EDIL3: variants seen among roughly 807,000 people sequenced by gnomAD.
EDIL3 encodes EGF like and discoidin domains 3, also known as EGF-like repeat and discoidin I-like domain-containing protein 3.
Under a neutral mutation model 67.4 loss-of-function variants are expected in EDIL3, and 37 were observed. That is an observed-to-expected ratio of 0.55 (90% CI 0.42 to 0.72). EDIL3 has a LOEUF of 0.72. Among genes scored for constraint, EDIL3 ranks in the 30% least tolerant of loss-of-function variants. EDIL3 has a pLI of 0.00. For synonymous variants in EDIL3, 195 were observed against 196.3 expected (o/e 0.99, Z 0.05); for missense variants, 527 against 586.3 (o/e 0.90, Z 1.04).
At chr5:83,996,969 A>G (rs1481794117) in intron 9 of EDIL3, among the ~76,000 whole-genome samples, 1 of 152,196 alleles carries the variant, frequency 6.6e-6, no homozygotes, top group Non-Finnish European at 1.5e-5. Context: ...TAACTGGTAC[A>G]TAGCCAAGTG....
intron 2 of EDIL3, among the ~76,000 whole-genome samples, chr5:84,249,887 A>C (rs1228836475): frequency 1.3e-5 from 2 of 152,138 alleles, no homozygotes; most frequent in Non-Finnish European, 2.9e-5. Context: ...TGAGGTCAGG[A>C]GTTGGAGACC....
chr5:84,020,549 T>C (rs1164579846), intron 9 of EDIL3, among the ~76,000 whole-genome samples: 3 of 151,956 alleles, frequency 2.0e-5, no homozygotes, highest in Non-Finnish European at 4.4e-5. Context: ...AGGGGAATAA[T>C]TTTTACTAGA....
intron 7 of EDIL3, 72 bp from the exon 8 acceptor site, chr5:84,064,916 A>ATATATT: frequency 1.4e-6 from 2 of 1,452,612 alleles, no homozygotes; most frequent in Non-Finnish European, 9.1e-7. Context: ...TACCCTATCT[A>ATATATT]TACCTTATCG....
At chr5:84,081,607 G>A (rs1162444650) in intron 6 of EDIL3, among the ~76,000 whole-genome samples, 13 of 152,112 alleles carry the variant, frequency 8.5e-5, no homozygotes, top group Non-Finnish European at 2.9e-5. Flanking sequence ...ATGAAGGGGA[G>A]AGGGAAGAGG....
At chr5:84,121,482 C>G (rs1320722240) in intron 5 of EDIL3, among the ~76,000 whole-genome samples, 2 of 151,810 alleles carry the variant, frequency 1.3e-5, no homozygotes, top group African/African-American at 4.8e-5. Flanking sequence ...ATTGATCCTA[C>G]ACACTGCATT....
intron 1 of EDIL3, among the ~76,000 whole-genome samples, chr5:84,376,730 G>A (rs1434927860): frequency 2.6e-5 from 4 of 152,184 alleles, no homozygotes; most frequent in Admixed American, 6.5e-5. Context: ...CAAACTGATG[G>A]GGGTGGGTAG....
chr5:84,262,736 A>G (rs1580040548), intron 1 of EDIL3, among the ~76,000 whole-genome samples: 1 of 120,270 alleles, frequency 8.3e-6, no homozygotes, highest in Admixed American at 1.1e-4. Flanking sequence ...CAGTAGTATG[A>G]TCTTGGCTCA....
rs374493101 is a variant in EDIL3, at chr5:84,132,783, TAAAC to T, written c.469+4454_469+4457del. Among the ~76,000 whole-genome samples the T allele has an allele frequency of 4.6e-4, 70 of 151,174 alleles. No individual in the cohort carries two copies. In the East Asian group the frequency reaches 0.012, roughly 26 times the overall value. On this transcript the variant is annotated intron_variant, in intron 5 of 10. Transcript: ENST00000296591. ...TTTAATATCCTTATCACAGAATTCT[TAAAC>T]AACTATATAATTATCTAGATTATTT...
chr5:84,049,820 G>C (rs1746296950), intron 9 of EDIL3, among the ~76,000 whole-genome samples: 1 of 152,006 alleles, frequency 6.6e-6, no homozygotes, highest in South Asian at 2.1e-4. Context: ...ACACATTTTT[G>C]CCATGTCCCG....
intron 3 of EDIL3, among the ~76,000 whole-genome samples, chr5:84,223,186 C>G (rs942404814): frequency 6.6e-6 from 1 of 151,636 alleles, no homozygotes; most frequent in Admixed American, 6.6e-5. Flanking sequence ...TTTGAACACT[C>G]TTTGTGGGAA....
intron 1 of EDIL3, among the ~76,000 whole-genome samples, chr5:84,309,542 G>T (rs1746343515): frequency 6.7e-6 from 1 of 148,276 alleles, no homozygotes; most frequent in African/African-American, 2.5e-5. Context: ...TCCTTCCTGT[G>T]TCCATGTGTT....
chr5:84,049,688 G>T lies in EDIL3; in HGVS notation c.1137+10612C>A, dbSNP rs75550562. The stretch of plus-strand genomic sequence containing the variant: ...AAAACTAAAATTTGACCTTTGGGAG[G>T]CTTTCAGATAACACATTGGTAAGCT... On this transcript the variant is annotated intron_variant, in intron 9 of 10. Coordinates refer to ENST00000296591, the MANE Select transcript of EDIL3 (RefSeq NM_005711.5). Among the ~76,000 whole-genome samples the T allele has an allele frequency of 6.0e-3, 906 of 152,212 alleles. 12 individuals are homozygous for T. The highest frequency in any genetic ancestry group is 0.021 in the African/African-American group (854 of 41,512).
chr5:84,362,515 C>T (rs557703342), intron 1 of EDIL3, among the ~76,000 whole-genome samples: 57 of 152,194 alleles, frequency 3.7e-4, no homozygotes, highest in African/African-American at 1.3e-3. Context: ...TTTTATAATG[C>T]AATTACATAT....
At chr5:84,348,383 T>A (rs12513432) in intron 1 of EDIL3, among the ~76,000 whole-genome samples, 150,716 of 152,222 alleles carry the variant, frequency 0.99, 74,672 homozygotes, top group Non-Finnish European at 1. Context: ...CCTGAGGGAT[T>A]CAGGTGGTGC....
At chr5:84,067,603 A>T (rs1746667583) in intron 6 of EDIL3, among the ~76,000 whole-genome samples, 1 of 152,192 alleles carries the variant, frequency 6.6e-6, no homozygotes, top group African/African-American at 2.4e-5. Context: ...TTCCAAAGAA[A>T]ATCAGAAAAT....
At chr5:83,974,833 T>A (rs531324008) in intron 9 of EDIL3, among the ~76,000 whole-genome samples, 1 of 152,074 alleles carries the variant, frequency 6.6e-6, no homozygotes, top group African/African-American at 2.4e-5. Flanking sequence ...TAATTTCCAT[T>A]TGCTTTGTTC....
chr5:83,969,279 T>C (rs1303317002), intron 9 of EDIL3, among the ~76,000 whole-genome samples: 1 of 151,804 alleles, frequency 6.6e-6, no homozygotes, highest in Non-Finnish European at 1.5e-5. Context: ...TCTATTAAAA[T>C]TAACATTCCC....
At chr5:84,049,669 A>G (rs1746291740) in intron 9 of EDIL3, among the ~76,000 whole-genome samples, 1 of 152,204 alleles carries the variant, frequency 6.6e-6, no homozygotes. Flanking sequence ...GTTAAAAACT[A>G]AAATTTGACC....
chr5:84,151,908 C>CTTT (rs201636890), intron 4 of EDIL3, among the ~76,000 whole-genome samples: 15 of 141,728 alleles, frequency 1.1e-4, no homozygotes, highest in African/African-American at 2.8e-4. Flanking sequence ...TTTGCTGCTT[C>CTTT]TTTTTTTTTT....
Sources: allele counts gnomAD v4.1 joint callset (sites outside exome capture counted in the v4.1 genomes callset), GRCh38; gene constraint gnomAD v4.1.1; transcripts MANE v1.5; gene names NCBI Gene and HGNC (gene_info 2026-07-23, HGNC 2026-07-21).